ZNF704: variants seen among roughly 807,000 people sequenced by gnomAD.
The protein encoded by ZNF704 is zinc finger protein 704.
A neutral mutation model predicts 44.7 loss-of-function variants in ZNF704; 10 were observed. The ratio of observed to expected loss-of-function variants is 0.22; its 90% CI spans 0.14 to 0.38. ZNF704 has a LOEUF of 0.38. Ranked by LOEUF, ZNF704 falls within the 10% of genes least tolerant of loss-of-function variation. ZNF704 has a pLI of 1.00. For missense variants in ZNF704, 390 were observed against 545.5 expected (o/e 0.71, Z 2.84); for synonymous variants, 211 against 207.6 (o/e 1.02, Z -0.14).
rs556269264 is a variant in ZNF704 at position 80,775,922 on chromosome 8, T to C, written c.221+45452A>G. ...TGGTAAGAAGAATGAATATTTATCC[T>C]AGTGATAAAGAGTAGCTCATAAAGT... On this transcript the variant is annotated intron_variant, in intron 2 of 8. Coordinates refer to ENST00000327835, the MANE Select transcript of ZNF704 (RefSeq NM_001033723.3). Among the ~76,000 whole-genome samples, 3 of 152,336 alleles carry C rather than the reference T, an allele frequency of 2.0e-5. No individual in the cohort carries two copies. In the South Asian group the frequency reaches 6.2e-4, roughly 32 times the overall value.
chr8:80,652,563 T>C (rs1438030991), intron 7 of ZNF704, among the ~76,000 whole-genome samples: 1 of 151,798 alleles, frequency 6.6e-6, no homozygotes, highest in East Asian at 1.9e-4. Flanking sequence ...AACTAGAAAA[T>C]CTAGAAGAAA....
intron 2 of ZNF704, among the ~76,000 whole-genome samples, chr8:80,792,019 A>C (rs1260626928): frequency 1.3e-5 from 2 of 152,216 alleles, no homozygotes; most frequent in Non-Finnish European, 2.9e-5. Flanking sequence ...GAGAAAGAAA[A>C]ATAGAAGACC....
At chr8:80,694,413 C>T (rs1038386397) in intron 2 of ZNF704, 5 of 152,098 alleles carry the variant, frequency 3.3e-5, no homozygotes, top group South Asian at 4.1e-4. Context: ...TTGTGTCGTA[C>T]GATGAAATCA....
chr8:80,792,697 T>A (rs528821565), intron 2 of ZNF704, among the ~76,000 whole-genome samples: 1 of 152,294 alleles, frequency 6.6e-6, no homozygotes, highest in East Asian at 1.9e-4. Flanking sequence ...CAAGCTGGTA[T>A]ATGGGGAGGC....
intron 4 of ZNF704, among the ~76,000 whole-genome samples, chr8:80,682,221 A>G (rs1216414890): frequency 1.3e-5 from 2 of 152,220 alleles, no homozygotes; most frequent in African/African-American, 4.8e-5. Flanking sequence ...TTCACAATTT[A>G]AAGTGATTCA....
In ZNF704 at chr8:80,631,474, T is replaced by C. The variant is rs1461981982; in HGVS notation, c.*9892A>G. 5 of 152,206 alleles carry C rather than the reference T, an allele frequency of 3.3e-5. No homozygotes were observed. Among genetic ancestry groups the C allele is most frequent in the Non-Finnish European group, 7.3e-5 (5 of 68,048 alleles). The allele number at this position is 152,206 out of a possible 1,614,324, so 9.4% of individuals were successfully genotyped here. On this transcript the variant is annotated 3_prime_UTR_variant, in exon 9 of 9. Coordinates refer to ENST00000327835, the MANE Select transcript of ZNF704 (RefSeq NM_001033723.3). ...TCACTTACTAAAGGCCAATTCTGCT[T>C]TCATGCTCTGTAATTGTGGGCAGAA...
chr8:80,826,975 G>A (rs1175631794), intron 1 of ZNF704, among the ~76,000 whole-genome samples: 3 of 152,106 alleles, frequency 2.0e-5, no homozygotes, highest in Non-Finnish European at 4.4e-5. Flanking sequence ...ATCATACTGA[G>A]TGGGCAAAAA....
intron 1 of ZNF704, among the ~76,000 whole-genome samples, chr8:80,831,355 G>A (rs559735323): frequency 8.5e-5 from 13 of 152,134 alleles, no homozygotes; most frequent in Admixed American, 2.0e-4. Context: ...GTCCAAATAG[G>A]GTGCTTTTAT....
At chr8:80,865,437 G>C (rs1038902150) in intron 1 of ZNF704, among the ~76,000 whole-genome samples, 2 of 152,284 alleles carry the variant, frequency 1.3e-5, no homozygotes, top group South Asian at 4.1e-4. Flanking sequence ...GCAGCTGGGA[G>C]GATCATCTCC....
At position 80,726,107 on chromosome 8, in the gene ZNF704, T is replaced by A. The variant is rs569341479; in HGVS notation, c.222-33000A>T. Among the ~76,000 whole-genome samples, 227 of 152,212 alleles carry A rather than the reference T, an allele frequency of 1.5e-3. 1 individual carries two copies. The highest frequency in any genetic ancestry group is 5.3e-3 in the African/African-American group (219 of 41,574). ...ACAGAGCATATCAAAATATTGGCCA[T>A]CTGACTTACAGATATAAAATTAATA... On this transcript the variant is annotated intron_variant, in intron 2 of 8. Coordinates refer to ENST00000327835, the MANE Select transcript of ZNF704 (RefSeq NM_001033723.3).
chr8:80,713,779 TA>T (rs1275500369), intron 2 of ZNF704, among the ~76,000 whole-genome samples: 1 of 152,230 alleles, frequency 6.6e-6, no homozygotes, highest in Non-Finnish European at 1.5e-5. Flanking sequence ...TGGCTGTGTC[TA>T]AATGTCATTG....
rs962213548 is a variant in ZNF704, at chr8:80,640,267, G to T, written c.*1099C>A. On this transcript the variant is annotated 3_prime_UTR_variant, in exon 9 of 9. Coordinates refer to ENST00000327835, the MANE Select transcript of ZNF704 (RefSeq NM_001033723.3). ...GCTAAAGCATAAAACCTATAAAAGT[G>T]CACTCAGAATGGAAGTGGTTTGTTG... is the stretch of plus-strand genomic sequence containing the variant. 1 of 152,606 alleles carries T rather than the reference G, an allele frequency of 6.6e-6. No individual in the cohort carries two copies. Among genetic ancestry groups the T allele is most frequent in the Non-Finnish European group, 1.5e-5 (1 of 68,046 alleles). 9.5% of individuals were successfully genotyped at this position (152,606 alleles called of 1,614,324 possible).
At chr8:80,659,158 G>A (rs1818059457) in intron 7 of ZNF704, among the ~76,000 whole-genome samples, 1 of 152,152 alleles carries the variant, frequency 6.6e-6, no homozygotes, top group South Asian at 2.1e-4. Context: ...AAGAAAAAAT[G>A]ATTTTGATGT....
chr8:80,798,962 G>T, intron 2 of ZNF704, among the ~76,000 whole-genome samples: 1 of 152,198 alleles, frequency 6.6e-6, no homozygotes, highest in Admixed American at 6.5e-5. Context: ...GTGGCTCATG[G>T]CATGACATGG....
At chr8:80,802,110 C>T in intron 2 of ZNF704, among the ~76,000 whole-genome samples, 1 of 150,808 alleles carries the variant, frequency 6.6e-6, no homozygotes, top group African/African-American at 2.4e-5. Flanking sequence ...ATACACCCTC[C>T]CAAGATGGAA....
chr8:80,678,367 T>G (rs761428146), intron 4 of ZNF704, among the ~76,000 whole-genome samples: 6 of 152,188 alleles, frequency 3.9e-5, no homozygotes, highest in Non-Finnish European at 8.8e-5. Context: ...TTGACATTCC[T>G]TTTGAATATC....
intron 4 of ZNF704, among the ~76,000 whole-genome samples, chr8:80,675,033 G>C (rs115106967): frequency 0.01 from 1,576 of 152,256 alleles, 31 homozygotes; most frequent in African/African-American, 0.036. Flanking sequence ...AATATTCTAC[G>C]TTCTGGGGAT....
intron 7 of ZNF704, among the ~76,000 whole-genome samples, chr8:80,652,835 T>A (rs966226700): frequency 3.9e-5 from 6 of 152,208 alleles, no homozygotes; most frequent in Non-Finnish European, 7.3e-5. Context: ...AACATCATCC[T>A]GATACCAAAG....
chr8:80,693,559 A>G (rs77441560), intron 2 of ZNF704, among the ~76,000 whole-genome samples: 7,297 of 152,272 alleles, frequency 0.048, 227 homozygotes, highest in Middle Eastern at 0.096. Context: ...GCCTGCCTGT[A>G]GGGGCTGCAT....
Sources: gnomAD v4.1 joint callset for allele counts (sites outside exome capture counted in the v4.1 genomes callset) on GRCh38, gnomAD v4.1.1 for gene constraint, MANE v1.5 for transcripts, NCBI Gene and HGNC (gene_info 2026-07-23, HGNC 2026-07-21) for gene names.